Variants in KIAA0825 observed in about 807,000 individuals in gnomAD.
KIAA0825 encodes KIAA0825.
A neutral mutation model predicts 147.6 loss-of-function variants in KIAA0825; 119 were observed. The ratio of observed to expected loss-of-function variants is 0.81; its 90% CI spans 0.69 to 0.94. The LOEUF (loss-of-function observed/expected upper bound fraction) is 0.94. KIAA0825 is among the 40% of genes least tolerant of loss of function. The pLI is 0.00. For missense variants in KIAA0825, 1,381 were observed against 1,472.7 expected, an observed-to-expected ratio of 0.94 and a Z score of 1.02; for synonymous variants, 470 against 518.1, an observed-to-expected ratio of 0.91 and a Z score of 1.26.
chr5:94,511,008 T>C lies in KIAA0825; in HGVS notation c.970+9240A>G, dbSNP rs144097706. 3.9e-5 allele frequency among the ~76,000 whole-genome samples: 6 copies of C among 152,206 alleles called. No homozygotes were observed. The East Asian group carries it at 5.8e-4, about 15-fold the overall frequency. On this transcript the variant is annotated intron_variant, in intron 5 of 20. Coordinates refer to ENST00000682413, the MANE Select transcript of KIAA0825 (RefSeq NM_001145678.3). ...GCCCCAAGGTGGTGGCATTTGGAGG[T>C]AGGGCTTTGGGAGGGATAGGTGATG...
chr5:94,235,886 G>C (rs1218103728), intron 20 of KIAA0825, among the ~76,000 whole-genome samples: 1 of 152,150 alleles, frequency 6.6e-6, no homozygotes, highest in Non-Finnish European at 1.5e-5. Context: ...TTATTGCATG[G>C]TTTACTGAAT....
At chr5:94,158,257 G>A (rs889825470) in intron 20 of KIAA0825, among the ~76,000 whole-genome samples, 1 of 152,154 alleles carries the variant, frequency 6.6e-6, no homozygotes, top group Non-Finnish European at 1.5e-5. Context: ...TAATGTCAGA[G>A]TTTAGTAGTT....
At chr5:94,443,223 G>A (rs1757308816) in intron 13 of KIAA0825, among the ~76,000 whole-genome samples, 1 of 151,970 alleles carries the variant, frequency 6.6e-6, no homozygotes, top group Admixed American at 6.6e-5. Context: ...AGTAATAAAT[G>A]CATTGAGGAA....
chr5:94,506,309 A>G (rs1181523804), intron 5 of KIAA0825, among the ~76,000 whole-genome samples: 1 of 152,210 alleles, frequency 6.6e-6, no homozygotes, highest in Admixed American at 6.5e-5. Flanking sequence ...CAGGTTAGCT[A>G]CTTTGATTAT....
At chr5:94,346,954 T>G (rs762677934) in intron 20 of KIAA0825, among the ~76,000 whole-genome samples, 1 of 152,130 alleles carries the variant, frequency 6.6e-6, no homozygotes, top group Non-Finnish European at 1.5e-5. Context: ...GGAAAAGGTC[T>G]GGGGGCTGTT....
At chr5:94,596,791 C>T (rs990618115) in intron 1 of KIAA0825, among the ~76,000 whole-genome samples, 1 of 152,102 alleles carries the variant, frequency 6.6e-6, no homozygotes, top group African/African-American at 2.4e-5. Context: ...AGATCTTTCA[C>T]CTCCCTGGTT....
Position 94,589,881 on chromosome 5 carries a change from T to C in KIAA0825, c.-152-7298A>G, listed in dbSNP as rs556091466. On this transcript the variant is annotated intron_variant, in intron 1 of 20. Transcript: ENST00000682413. ...CAAAAAAGGTCAAACAGCAAATGCA[T>C]GAAATAATAGAAATAGATGGCTATT... Among the ~76,000 whole-genome samples the C allele has an allele frequency of 1.1e-4, 16 of 151,516 alleles. No homozygotes were observed. The South Asian group carries it at 2.7e-3, about 26-fold the overall frequency.
chr5:94,541,660 C>T (rs1282978330), intron 2 of KIAA0825, among the ~76,000 whole-genome samples: 6 of 152,168 alleles, frequency 3.9e-5, no homozygotes, highest in African/African-American at 7.2e-5. Flanking sequence ...TTTTAATCTG[C>T]TCTTTAACAA....
chr5:94,437,705 T>A (rs1166041929), intron 14 of KIAA0825, among the ~76,000 whole-genome samples: 8 of 152,206 alleles, frequency 5.3e-5, no homozygotes, highest in African/African-American at 1.9e-4. Context: ...AAGGTTTATC[T>A]CAACTGATTT....
chr5:94,520,463 T>C lies in KIAA0825; in HGVS notation c.755A>G (p.Tyr252Cys). ...HGYQSTMLKL[Y>C]SVIKEDFNTL... is the part of the protein sequence containing the mutation. ...GTTAAAATCCTCTTTTATTACTGAGTATAACTTAAGCATTGTACTTTGATA... is the reference window on the plus strand; with the variant it reads ...GTTAAAATCCTCTTTTATTACTGAGCATAACTTAAGCATTGTACTTTGATA... The change falls in exon 5 of 21, where the codon TAC becomes TGC. Residue 252 changes from tyrosine (Y) to cysteine (C), a missense_variant. Physicochemically the swap from Tyr to Cys is radical, Grantham distance 194. Transcript: ENST00000682413. 3.1e-6 allele frequency: 5 copies of C among 1,612,872 alleles called. No individual in the cohort carries two copies. The highest frequency in any genetic ancestry group is 4.2e-6 in the Non-Finnish European group (5 of 1,179,068).
At chr5:94,343,410 G>A (rs1249521614) in intron 20 of KIAA0825, among the ~76,000 whole-genome samples, 1 of 152,176 alleles carries the variant, frequency 6.6e-6, no homozygotes, top group East Asian at 1.9e-4. Flanking sequence ...TGAAAAGGAG[G>A]CCAGGTGTGG....
chr5:94,488,342 C>T (rs1007192974), intron 5 of KIAA0825, among the ~76,000 whole-genome samples: 1 of 152,140 alleles, frequency 6.6e-6, no homozygotes, highest in Non-Finnish European at 1.5e-5. Flanking sequence ...CTCTGTCTGG[C>T]CTTCTGCTAA....
At chr5:94,255,908 C>T (rs978645111) in intron 20 of KIAA0825, among the ~76,000 whole-genome samples, 2 of 151,260 alleles carry the variant, frequency 1.3e-5, no homozygotes, top group East Asian at 3.9e-4. Flanking sequence ...GAGACGAGGT[C>T]TCATTATCTT....
At chr5:94,475,023 A>C (rs1458672622) in intron 7 of KIAA0825, among the ~76,000 whole-genome samples, 2 of 151,802 alleles carry the variant, frequency 1.3e-5, no homozygotes, top group Non-Finnish European at 2.9e-5. Flanking sequence ...TGGGAGGCGG[A>C]GGTTGCAGTG....
At chr5:94,240,082 T>G (rs550679031) in intron 20 of KIAA0825, among the ~76,000 whole-genome samples, 129 of 152,346 alleles carry the variant, frequency 8.5e-4, no homozygotes, top group African/African-American at 3.1e-3. Context: ...AAATTAAAAG[T>G]GCCGAAACAG....
chr5:94,307,074 G>A (rs543201841), intron 20 of KIAA0825, among the ~76,000 whole-genome samples: 3 of 151,762 alleles, frequency 2.0e-5, no homozygotes, highest in African/African-American at 7.2e-5. Context: ...ATGATATCTT[G>A]TTACCCATAT....
chr5:94,422,488 T>C (rs1584448068), intron 14 of KIAA0825, among the ~76,000 whole-genome samples: 2 of 152,318 alleles, frequency 1.3e-5, no homozygotes, highest in East Asian at 3.9e-4. Context: ...TCCCATGTCA[T>C]GTAAAATTGA....
At chr5:94,155,035 A>T (rs1156824536) in intron 20 of KIAA0825, among the ~76,000 whole-genome samples, 1 of 152,132 alleles carries the variant, frequency 6.6e-6, no homozygotes, top group African/African-American at 2.4e-5. Context: ...AGGCTTCAGC[A>T]GGATAGGATT....
At chr5:94,271,916 A>G (rs1309459396) in intron 20 of KIAA0825, among the ~76,000 whole-genome samples, 1 of 152,152 alleles carries the variant, frequency 6.6e-6, no homozygotes, top group Non-Finnish European at 1.5e-5. Flanking sequence ...AAGCAACCTA[A>G]GTATTCATCA....
Sources: allele counts gnomAD v4.1 joint callset (sites outside exome capture counted in the v4.1 genomes callset), GRCh38; gene constraint gnomAD v4.1.1; transcripts MANE v1.5; gene names NCBI Gene and HGNC (gene_info 2026-07-23, HGNC 2026-07-21).